The following WNK4 variants were observed in gnomAD, a reference collection of about 807,000 sequenced individuals.
WNK4 encodes WNK lysine deficient protein kinase 4.
A neutral mutation model predicts 116.2 loss-of-function variants in WNK4; 94 were observed. The ratio of observed to expected loss-of-function variants is 0.81; its 90% CI spans 0.68 to 0.96. The LOEUF is 0.96. WNK4 is among the 40% of genes least tolerant of loss of function. The probability of loss-of-function intolerance (pLI) is 0.00; values close to 1 mark genes in which losing one functional copy is unlikely to be tolerated. For missense variants in WNK4, 1,542 were observed against 1,650.6 expected (o/e 0.93, Z 1.14); for synonymous variants, 655 against 672.7 (o/e 0.97, Z 0.41).
chr17:42,780,791 G>A lies in WNK4; in HGVS notation c.93G>A (p.Ala31=), dbSNP rs748667566. 2 of 1,604,044 alleles carry A rather than the reference G, an allele frequency of 1.2e-6. No individual in the cohort carries two copies. The highest frequency in any genetic ancestry group is 2.2e-5 in the East Asian group (1 of 44,748). The change falls in exon 1 of 19, where the codon GCG becomes GCA. Residue 31 remains alanine (A), a synonymous_variant. Coordinates refer to ENST00000246914, the MANE Select transcript of WNK4 (RefSeq NM_032387.5). ...ALRPPPPLGT[A]GQPRLGPPPR... ...GGCCCCCGCCTCCTCTTGGCACCGC[G>A]GGGCAGCCCCGCCTCGGGCCCCCTC...
chr17:42,796,375 G>T, intron 17 of WNK4, 53 bp downstream of exon 17: 2 of 1,610,936 alleles, frequency 1.2e-6, no homozygotes, highest in Non-Finnish European at 1.7e-6. Flanking sequence ...CCTTTCTGTC[G>T]ACTGTTTTTC....
Position 42,783,961 on chromosome 17 carries a change from G to A in WNK4, c.816G>A (p.Met272Ile), listed in dbSNP as rs776100038. The A allele has an allele frequency of 6.2e-7, 1 of 1,613,862 alleles. No homozygotes were observed. The highest frequency in any genetic ancestry group is 8.5e-7 in the Non-Finnish European group (1 of 1,179,982). ...GGTACCTGAGGCGGTTCCGGGAGAT[G>A]AAGCCGCGGGTCCTTCAGCGCTGGA... ...LKTYLRRFRE[M>I]KPRVLQRWSR... is the part of the protein sequence containing the mutation. The change falls in exon 3 of 19, where the codon ATG becomes ATA. Residue 272 changes from methionine (M) to isoleucine (I), a missense_variant. Met to Ile is a conservative substitution (Grantham distance 10, BLOSUM62 1). Coordinates refer to ENST00000246914, the MANE Select transcript of WNK4 (RefSeq NM_032387.5).
intron 2 of WNK4, among the ~76,000 whole-genome samples, chr17:42,783,367 C>T (rs750153768): frequency 3.9e-5 from 6 of 152,148 alleles, no homozygotes; most frequent in Non-Finnish European, 5.9e-5. Flanking sequence ...ACTGTCACTC[C>T]CCTCCTTAAA....
Position 42,784,098 on chromosome 17 carries a change from A to G in WNK4, c.953A>G (p.Lys318Arg). 5 of 1,612,002 alleles carry G rather than the reference A, an allele frequency of 3.1e-6. No individual in the cohort carries two copies. The highest frequency in any genetic ancestry group is 4.2e-6 in the Non-Finnish European group (5 of 1,180,012). Reference protein sequence around the residue: ...VFITGPTGSVKIGDLGLATLK... With the variant: ...VFITGPTGSVRIGDLGLATLK... Reference sequence around the variant, plus strand: ...ATCACGGGACCTACTGGCTCTGTCAAAATCGGGGACCTGGGCCTGGCCACG... The same window carrying G: ...ATCACGGGACCTACTGGCTCTGTCAGAATCGGGGACCTGGGCCTGGCCACG... Residue 318 changes from lysine to arginine, a missense_variant, in exon 3 of 19, where the codon AAA (lysine) becomes AGA (arginine). This residue lies in a region of WNK4 where 808 missense variants were observed against 873.6 expected (regional missense o/e 0.92). Transcript: ENST00000246914. This position sits in a 1 kb window ranked among gnomAD's most constrained non-coding sequence, Gnocchi z 4.4.
At position 42,795,693 on chromosome 17, in the gene WNK4, T is replaced by C. The variant is rs1294746810; in HGVS notation, c.3091T>C (p.Leu1031=). The change falls in exon 16 of 19, where the codon TTG becomes CTG. Residue 1031 remains leucine (L), a synonymous_variant. Coordinates refer to ENST00000246914, the MANE Select transcript of WNK4 (RefSeq NM_032387.5). ...CAAGGAACCGGCTGAGCCTCTTCCC[T>C]TGCAGCCAACATCCCCCACTCTCTC... ...SSKEPAEPLP[L]QPTSPTLSGS... is the part of the protein sequence containing the mutation. 1 of 1,613,328 alleles carries C rather than the reference T, an allele frequency of 6.2e-7. No homozygotes were observed. Among genetic ancestry groups the C allele is most frequent in the Non-Finnish European group, 8.5e-7 (1 of 1,180,026 alleles).
chr17:42,793,854 C>A, intron 12 of WNK4, 125 bp downstream of exon 12: 2 of 1,161,156 alleles, frequency 1.7e-6, no homozygotes, highest in South Asian at 1.4e-5. Flanking sequence ...AAAACAGTGG[C>A]GCTTTTTTTT....
intron 11 of WNK4, among the ~76,000 whole-genome samples, 181 bp from the exon 12 acceptor site, chr17:42,793,411 T>A (rs545067914): frequency 6.6e-6 from 1 of 152,104 alleles, no homozygotes; most frequent in Non-Finnish European, 1.5e-5. Context: ...GGTATCACCA[T>A]GTTGGCCAGG....
chr17:42,781,320 C>T lies in WNK4; in HGVS notation c.618+4C>T, dbSNP rs767698082. On this transcript the variant is annotated splice_donor_region_variant and intron_variant, in intron 1 of 18. Coordinates refer to ENST00000246914, the MANE Select transcript of WNK4 (RefSeq NM_032387.5). ...GGTGGCCTGGTGTGAGCTGCAGGTG[C>T]GGCTGGGAGCCCCCTCGGTGGCACC... The T allele has an allele frequency of 6.2e-7, 1 of 1,614,034 alleles. No homozygotes were observed. The highest frequency in any genetic ancestry group is 8.5e-7 in the Non-Finnish European group (1 of 1,180,014).
chr17:42,783,772 CT>C (rs2054509711), intron 2 of WNK4, 164 bp from the exon 3 acceptor site: 8 of 695,756 alleles, frequency 1.1e-5, no homozygotes, highest in Admixed American at 1.1e-4. Context: ...ACCATGCCCC[CT>C]GACTCAGTTT....
intron 11 of WNK4, 32 bp from the exon 12 acceptor site, chr17:42,793,560 C>T (rs765695727): frequency 6.2e-7 from 1 of 1,612,720 alleles, no homozygotes; most frequent in Admixed American, 1.7e-5. Context: ...AGATAACAAG[C>T]TCTCCCTCCC....
Position 42,795,278 on chromosome 17 carries a change from C to T in WNK4, c.2857C>T (p.Pro953Ser), listed in dbSNP as rs768549623. Reference protein sequence around the residue: ...SPSPGLLSQSPPAPPSPLPSL... With the variant: ...SPSPGLLSQSSPAPPSPLPSL... ...CTCACCTGGGCTCCTTTCCCAGTCTCCTCCAGCCCCTCCTAGTCCCCTCCC... is the reference window on the plus strand; with the variant it reads ...CTCACCTGGGCTCCTTTCCCAGTCTTCTCCAGCCCCTCCTAGTCCCCTCCC... The change falls in exon 14 of 19, where the codon CCT (proline) becomes TCT (serine). Residue 953 changes from proline to serine, a missense_variant. Transcript: ENST00000246914. 1.9e-6 allele frequency: 3 copies of T among 1,613,888 alleles called. No homozygotes were observed. Among genetic ancestry groups the T allele is most frequent in the Admixed American group, 1.7e-5 (1 of 60,004 alleles).
rs999762652 is a variant in WNK4 at position 42,784,402 on chromosome 17, C to T, written c.1013-20C>T. 6.2e-7 allele frequency: 1 copy of T among 1,611,782 alleles called. No homozygotes were observed. The highest frequency in any genetic ancestry group is 2.2e-5 in the East Asian group (1 of 44,708). On this transcript the variant is annotated intron_variant, in intron 3 of 18. Transcript: ENST00000246914. The surrounding 1 kb of genome is among the most constrained non-coding windows in gnomAD (Gnocchi z 4.4). ...AGGCCAGAGTGCCCAGCAATCTGAT[C>T]CCTGCTGTGGACCCTACAGGGACCC...
intron 11 of WNK4, among the ~76,000 whole-genome samples, chr17:42,791,467 C>T (rs1005897241): frequency 3.9e-4 from 60 of 151,938 alleles, no homozygotes; most frequent in African/African-American, 1.4e-3. Flanking sequence ...GGAGAAACCC[C>T]GTCTCTACTA....
chr17:42,781,704 A>T (rs1052252015), intron 1 of WNK4, among the ~76,000 whole-genome samples: 4 of 151,984 alleles, frequency 2.6e-5, no homozygotes, highest in African/African-American at 9.7e-5. Context: ...GGTCCTCTTG[A>T]TCCCCTCACT....
chr17:42,787,617 C>G (rs973606477), intron 7 of WNK4, 75 bp downstream of exon 7: 10 of 1,600,972 alleles, frequency 6.2e-6, no homozygotes, highest in East Asian at 2.2e-5. Context: ...AGTTCACCCC[C>G]ACAGCAGTCA....
chr17:42,793,763 T>G, intron 12 of WNK4, 34 bp downstream of exon 12: 2 of 1,613,080 alleles, frequency 1.2e-6, no homozygotes, highest in Non-Finnish European at 1.7e-6. Context: ...CCAGGGGAAA[T>G]GGACTCTCTG....
chr17:42,796,217 G>T lies in WNK4; in HGVS notation c.3526G>T (p.Val1176Leu). The change falls in exon 17 of 19, where the codon GTG becomes TTG. Residue 1176 changes from valine to leucine, a missense_variant. Val to Leu is a conservative substitution (Grantham distance 32). Around this residue, in one of 7 missense-constraint regions of WNK4, gnomAD observed 148 missense variants for 157.2 expected, o/e 0.94. Coordinates refer to ENST00000246914, the MANE Select transcript of WNK4 (RefSeq NM_032387.5). ...GGGGAAGCAGCCCCCACCGGGTATTGTGGCCCCAGCTGCTATGCTGTCCAG... is the reference window on the plus strand; with the variant it reads ...GGGGAAGCAGCCCCCACCGGGTATTTTGGCCCCAGCTGCTATGCTGTCCAG... ...RLGKQPPPGI[V>L]APAAMLSSRQ... 3 of 1,613,846 alleles carry T rather than the reference G, an allele frequency of 1.9e-6. No homozygotes were observed. The highest frequency in any genetic ancestry group is 2.5e-6 in the Non-Finnish European group (3 of 1,179,944).
chr17:42,794,946 C>T lies in WNK4; in HGVS notation c.2525C>T (p.Pro842Leu). 4 of 1,612,070 alleles carry T rather than the reference C, an allele frequency of 2.5e-6. No homozygotes were observed. The highest frequency in any genetic ancestry group is 1.7e-4 in the Middle Eastern group (1 of 6,060). Reference sequence around the variant, plus strand: ...CCCCCATGTCATCCCAGCCCCTCCCCATTCTCCCCCATTTCTTCCCAGGTC... The same window carrying T: ...CCCCCATGTCATCCCAGCCCCTCCCTATTCTCCCCCATTTCTTCCCAGGTC... ...TSPPCHPSPSPFSPISSQVSS... is the reference protein window; with the variant it reads ...TSPPCHPSPSLFSPISSQVSS... Residue 842 changes from proline (P) to leucine (L), a missense_variant, in exon 14 of 19, where the codon CCA (proline) becomes CTA (leucine). Transcript: ENST00000246914.
rs573545214 is a variant in WNK4, at chr17:42,796,302, G to A, written c.3611G>A (p.Arg1204His). ...FPTSRRNSLQ[R>H]SEPPGPGIMR... is the part of the protein sequence containing the mutation. ...ACCTCCCGCCGCAACAGCCTACAGCGCTCTGAGCCCCCAGGCCCTGGTGAG... is the reference window on the plus strand; with the variant it reads ...ACCTCCCGCCGCAACAGCCTACAGCACTCTGAGCCCCCAGGCCCTGGTGAG... The change falls in exon 17 of 19, where the codon CGC (arginine) becomes CAC (histidine). Residue 1204 changes from arginine to histidine, a missense_variant. Physicochemically the swap from Arg to His is conservative, Grantham distance 29. Coordinates refer to ENST00000246914, the MANE Select transcript of WNK4 (RefSeq NM_032387.5). The A allele has an allele frequency of 1.1e-5, 18 of 1,612,508 alleles. No individual in the cohort carries two copies. The highest frequency in any genetic ancestry group is 4.0e-5 in the African/African-American group (3 of 75,016).
Sources: allele counts gnomAD v4.1 joint callset (sites outside exome capture counted in the v4.1 genomes callset), GRCh38; gene constraint gnomAD v4.1.1; regional missense constraint gnomAD v4.1.1; non-coding constraint Gnocchi (gnomAD v3.1); transcripts MANE v1.5; gene names NCBI Gene and HGNC (gene_info 2026-07-23, HGNC 2026-07-21).